RALGAPB: variants seen among roughly 807,000 people sequenced by gnomAD.
RALGAPB encodes the protein ral GTPase-activating protein subunit beta.
RALGAPB carries 25 observed loss-of-function variants against 161.1 expected under a neutral mutation model. The ratio of observed to expected loss-of-function variants is 0.16; its 90% CI spans 0.11 to 0.22. The LOEUF (loss-of-function observed/expected upper bound fraction) is 0.22. RALGAPB is among the 10% of genes least tolerant of loss of function. The pLI is 1.00. For synonymous variants in RALGAPB, 629 were observed against 626.1 expected (o/e 1.00, Z -0.07); for missense variants, 1,391 against 1,815.2 (o/e 0.77, Z 4.25).
At chr20:38,504,088 T>C (rs1303423821) in intron 5 of RALGAPB, among the ~76,000 whole-genome samples, 1 of 152,156 alleles carries the variant, frequency 6.6e-6, no homozygotes, top group Non-Finnish European at 1.5e-5. Flanking sequence ...TATTCTAAAA[T>C]TCATATTGCA....
At chr20:38,475,290 G>A (rs1000305333) in intron 1 of RALGAPB, among the ~76,000 whole-genome samples, 3 of 152,356 alleles carry the variant, frequency 2.0e-5, no homozygotes, top group African/African-American at 7.2e-5. Flanking sequence ...TTCACCAGGA[G>A]AGAGGACGTT....
chr20:38,562,422 C>A, intron 23 of RALGAPB, 110 bp from the exon 24 acceptor site: 2 of 921,752 alleles, frequency 2.2e-6, no homozygotes, highest in Non-Finnish European at 3.2e-6. Context: ...TTATTCTGAG[C>A]TTGGACATGA....
rs571547334 is a variant in RALGAPB, at chr20:38,555,306, A to G, written c.3372+1230A>G. The stretch of plus-strand genomic sequence containing the variant: ...CCTAGGAACTACCTGGTTATAGGCC[A>G]TTTAGCTTTGTAGGAAAGTAATGGG... On this transcript the variant is annotated intron_variant, in intron 22 of 29. Transcript: ENST00000262879. 4.1e-4 allele frequency among the ~76,000 whole-genome samples: 62 copies of G among 152,324 alleles called. No individual in the cohort carries two copies. In the Middle Eastern group the frequency reaches 0.01, roughly 25 times the overall value.
chr20:38,496,903 C>T (rs957964775), intron 3 of RALGAPB, among the ~76,000 whole-genome samples: 1 of 152,116 alleles, frequency 6.6e-6, no homozygotes, highest in Non-Finnish European at 1.5e-5. Context: ...ACTATGAGCA[C>T]TGTAAAATCA....
At chr20:38,562,761 C>T (rs1317703320) in intron 24 of RALGAPB, 64 bp downstream of exon 24, 5 of 1,478,036 alleles carry the variant, frequency 3.4e-6, no homozygotes, top group Non-Finnish European at 4.6e-6. Flanking sequence ...TTTTTTTTTC[C>T]CCCTTTACTG....
At chr20:38,513,551 G>A (rs4811984) in intron 6 of RALGAPB, among the ~76,000 whole-genome samples, 7 of 151,464 alleles carry the variant, frequency 4.6e-5, no homozygotes, top group African/African-American at 1.7e-4. Flanking sequence ...TCAGGAGGCT[G>A]AAGCACAGGG....
Position 38,483,337 on chromosome 20 carries a change from C to G in RALGAPB, c.-30-5066C>G, listed in dbSNP as rs556956757. Among the ~76,000 whole-genome samples, 79 of 152,298 alleles carry G rather than the reference C, an allele frequency of 5.2e-4. No individual in the cohort carries two copies. In the South Asian group the frequency reaches 5.8e-3, roughly 11 times the overall value. ...AGCACTGGCTCTTAACCACTCTCAT[C>G]TATGTTTTTATGCTTCTCTGTAATC... On this transcript the variant is annotated intron_variant, in intron 1 of 29. Transcript: ENST00000262879.
intron 5 of RALGAPB, among the ~76,000 whole-genome samples, chr20:38,507,413 C>T (rs1052207153): frequency 6.6e-5 from 10 of 151,890 alleles, no homozygotes; most frequent in African/African-American, 2.4e-4. Context: ...TGCTTTGTTG[C>T]CCAGGCTGGA....
intron 19 of RALGAPB, chr20:38,546,838 C>G (rs6100150): frequency 0.068 from 11,230 of 165,422 alleles, 1,436 homozygotes; most frequent in African/African-American, 0.25. Context: ...CTTTACCTGC[C>G]CCTTCCTGTT....
chr20:38,496,936 G>A (rs1241451589), intron 3 of RALGAPB, among the ~76,000 whole-genome samples: 3 of 152,084 alleles, frequency 2.0e-5, no homozygotes, highest in African/African-American at 7.2e-5. Context: ...TTGCAAATAT[G>A]TGTTTAAAAA....
At chr20:38,542,320 C>T (rs1271128368) in intron 18 of RALGAPB, among the ~76,000 whole-genome samples, 1 of 152,094 alleles carries the variant, frequency 6.6e-6, no homozygotes, top group Non-Finnish European at 1.5e-5. Context: ...AGTTCAGTGG[C>T]CTGTTGCTTG....
intron 5 of RALGAPB, chr20:38,500,026 C>T (rs923237561): frequency 3.9e-5 from 6 of 152,760 alleles, no homozygotes; most frequent in African/African-American, 1.4e-4. Context: ...GGAATGGGAC[C>T]ATATTATACA....
At chr20:38,487,088 A>G (rs911160832) in intron 1 of RALGAPB, among the ~76,000 whole-genome samples, 2 of 152,232 alleles carry the variant, frequency 1.3e-5, no homozygotes, top group Admixed American at 6.5e-5. Context: ...AAGAGAGGAC[A>G]TTTGAGTTGG....
At chr20:38,559,884 A>G (rs912505417) in intron 23 of RALGAPB, among the ~76,000 whole-genome samples, 12 of 152,324 alleles carry the variant, frequency 7.9e-5, no homozygotes, top group Admixed American at 5.9e-4. Context: ...TACTGACTGT[A>G]ACTAGGAAAG....
chr20:38,545,100 G>A (rs1760554352), intron 18 of RALGAPB, among the ~76,000 whole-genome samples: 1 of 151,948 alleles, frequency 6.6e-6, no homozygotes, highest in African/African-American at 2.4e-5. Context: ...CTGCTTTTGG[G>A]CAACTGGACA....
At chr20:38,553,793 A>AAAAC in intron 21 of RALGAPB, 74 bp from the exon 22 acceptor site, 2 of 864,442 alleles carry the variant, frequency 2.3e-6, no homozygotes, top group Non-Finnish European at 3.4e-6. Context: ...AAAAAAAAAA[A>AAAAC]AAAAAAAACA....
chr20:38,499,840 G>A, intron 5 of RALGAPB: 1 of 386,246 alleles, frequency 2.6e-6, no homozygotes, highest in Non-Finnish European at 4.4e-6. Flanking sequence ...TTGAGAAACA[G>A]ATAAATTTTA....
chr20:38,518,121 C>A, intron 9 of RALGAPB, 121 bp downstream of exon 9: 2 of 959,956 alleles, frequency 2.1e-6, no homozygotes, highest in Non-Finnish European at 3.1e-6. Context: ...TCTGACCAAG[C>A]AATGTCTTGT....
chr20:38,524,397 C>A (rs998396044), intron 10 of RALGAPB, among the ~76,000 whole-genome samples: 5 of 152,170 alleles, frequency 3.3e-5, no homozygotes, highest in African/African-American at 1.2e-4. Flanking sequence ...AGTACTGCAG[C>A]CTGTTGTTTT....
Sources: allele counts gnomAD v4.1 joint callset (sites outside exome capture counted in the v4.1 genomes callset), GRCh38; gene constraint gnomAD v4.1.1; transcripts MANE v1.5; gene names NCBI Gene and HGNC (gene_info 2026-07-23, HGNC 2026-07-21).